Variants in PRICKLE2 observed in about 807,000 individuals in gnomAD.
PRICKLE2 encodes prickle planar cell polarity protein 2.
In PRICKLE2, 21 loss-of-function variants were observed where a neutral mutation model predicts 81.4. That is an observed-to-expected ratio of 0.26 (90% CI 0.18 to 0.37). PRICKLE2 has a LOEUF of 0.37. Ranked by LOEUF, PRICKLE2 falls within the 10% of genes least tolerant of loss-of-function variation. The pLI, the probability that PRICKLE2 is intolerant of heterozygous loss-of-function variation, is 1.00. For synonymous variants in PRICKLE2, 456 were observed against 421.5 expected, an observed-to-expected ratio of 1.08 and a Z score of -1.00; for missense variants, 940 against 1,109.0, an observed-to-expected ratio of 0.85 and a Z score of 2.16.
intron 7 of PRICKLE2, among the ~76,000 whole-genome samples, chr3:64,105,092 C>T (rs184217247): frequency 1.3e-5 from 2 of 152,158 alleles, no homozygotes; most frequent in Non-Finnish European, 2.9e-5. Flanking sequence ...CCCTGTCTCC[C>T]CAAACACAAC....
At chr3:64,115,142 G>C (rs1304008774) in intron 7 of PRICKLE2, among the ~76,000 whole-genome samples, 2 of 152,158 alleles carry the variant, frequency 1.3e-5, no homozygotes, top group Non-Finnish European at 2.9e-5. Context: ...TTTCAGACAA[G>C]CAAATGCTGA....
rs531639386 is a variant in PRICKLE2, at chr3:64,095,726, C to T, written c.*3325G>A. ...CTACTTCCAGATCCTGTATTAGAAA[C>T]ACAAAATTGCTCATTTGCTCGACTG... On this transcript the variant is annotated 3_prime_UTR_variant, in exon 8 of 8. Coordinates refer to ENST00000638394, the MANE Select transcript of PRICKLE2 (RefSeq NM_198859.4). 1.9e-4 allele frequency: 29 copies of T among 152,244 alleles called. No individual in the cohort carries two copies. Among genetic ancestry groups the T allele is most frequent in the East Asian group, 5.8e-4 (3 of 5,186 alleles). 9.4% of individuals were successfully genotyped at this position (152,244 alleles called of 1,614,324 possible).
At chr3:64,105,528 T>C (rs970608236) in intron 7 of PRICKLE2, among the ~76,000 whole-genome samples, 7 of 152,202 alleles carry the variant, frequency 4.6e-5, no homozygotes, top group African/African-American at 1.7e-4. Context: ...ATGGGTGGGA[T>C]TCCAAACATC....
chr3:64,113,242 G>A (rs1254244908), intron 7 of PRICKLE2, among the ~76,000 whole-genome samples: 1 of 152,198 alleles, frequency 6.6e-6, no homozygotes, highest in African/African-American at 2.4e-5. Flanking sequence ...ACGGGCAGGG[G>A]TGGCCATTCC....
At chr3:64,176,697 AT>A (rs2078028401) in intron 2 of PRICKLE2, among the ~76,000 whole-genome samples, 1 of 152,244 alleles carries the variant, frequency 6.6e-6, no homozygotes, top group African/African-American at 2.4e-5. Context: ...ATTTCTGCAC[AT>A]TAAATACATG....
chr3:64,231,599 G>T (rs765419586), intron 2 of PRICKLE2, among the ~76,000 whole-genome samples: 3 of 152,114 alleles, frequency 2.0e-5, no homozygotes, highest in Non-Finnish European at 4.4e-5. Flanking sequence ...CTAGAAAAAG[G>T]CTAAAAACTC....
chr3:64,146,256 C>A (rs2077448417), intron 7 of PRICKLE2: 1 of 158,578 alleles, frequency 6.3e-6, no homozygotes. Flanking sequence ...TCACTTGGCT[C>A]CTCCCCATGC....
At chr3:64,155,568 A>G (rs2077621287) in intron 5 of PRICKLE2, among the ~76,000 whole-genome samples, 1 of 152,210 alleles carries the variant, frequency 6.6e-6, no homozygotes, top group South Asian at 2.1e-4. Context: ...AAATATATGT[A>G]CACACAGAAA....
chr3:64,205,925 C>T (rs1032008344), intron 1 of PRICKLE2, among the ~76,000 whole-genome samples: 2 of 152,132 alleles, frequency 1.3e-5, no homozygotes, highest in Non-Finnish European at 2.9e-5. Flanking sequence ...TCCAAAGCCA[C>T]AAGGCTAAAA....
intron 2 of PRICKLE2, among the ~76,000 whole-genome samples, chr3:64,259,996 A>C (rs550823715): frequency 1.6e-4 from 24 of 152,324 alleles, no homozygotes; most frequent in Non-Finnish European, 2.9e-4. Context: ...GCATCTAAAG[A>C]GAGTGTTCTA....
chr3:64,193,507 T>A (rs1395847802), intron 2 of PRICKLE2, among the ~76,000 whole-genome samples: 1 of 151,826 alleles, frequency 6.6e-6, no homozygotes, highest in Non-Finnish European at 1.5e-5. Flanking sequence ...TGCAGAAAAA[T>A]GTTCACAATA....
intron 4 of PRICKLE2, among the ~76,000 whole-genome samples, chr3:64,157,846 G>A (rs1320656062): frequency 1.3e-5 from 2 of 152,164 alleles, no homozygotes; most frequent in East Asian, 1.9e-4. Context: ...ATAACAGCAC[G>A]CTCACCTTTA....
At chr3:64,198,280 G>A (rs2078501329) in intron 2 of PRICKLE2, among the ~76,000 whole-genome samples, 1 of 151,720 alleles carries the variant, frequency 6.6e-6, no homozygotes, top group African/African-American at 2.4e-5. Flanking sequence ...TTCAAGGGCT[G>A]TTTAAACTTT....
chr3:64,209,017 T>A (rs371310413), intron 1 of PRICKLE2, among the ~76,000 whole-genome samples: 3 of 151,638 alleles, frequency 2.0e-5, no homozygotes, highest in East Asian at 3.9e-4. Flanking sequence ...CATACATACA[T>A]CCCATAAATA....
chr3:64,107,984 G>T (rs1348003836), intron 7 of PRICKLE2, among the ~76,000 whole-genome samples: 2 of 152,164 alleles, frequency 1.3e-5, no homozygotes, highest in Non-Finnish European at 2.9e-5. Context: ...GAAACATGGA[G>T]AAAATGGAAT....
chr3:64,244,030 A>G (rs981182709), intron 2 of PRICKLE2, among the ~76,000 whole-genome samples: 3 of 152,218 alleles, frequency 2.0e-5, no homozygotes, highest in Admixed American at 2.0e-4. Context: ...TCTTTCAGGG[A>G]AGACCCATCA....
intron 2 of PRICKLE2, among the ~76,000 whole-genome samples, chr3:64,263,978 GC>G (rs1173582886): frequency 6.6e-6 from 1 of 152,146 alleles, no homozygotes; most frequent in Non-Finnish European, 1.5e-5. Context: ...AGAGAAGCAG[GC>G]TTCGGCAGAG....
intron 1 of PRICKLE2, among the ~76,000 whole-genome samples, chr3:64,224,018 A>T (rs1368136180): frequency 6.6e-6 from 1 of 152,190 alleles, no homozygotes; most frequent in South Asian, 2.1e-4. Flanking sequence ...CCCTCCCCTG[A>T]CTGTGCTCAT....
At chr3:64,140,662 C>T (rs2077346803) in intron 7 of PRICKLE2, among the ~76,000 whole-genome samples, 1 of 152,142 alleles carries the variant, frequency 6.6e-6, no homozygotes, top group Non-Finnish European at 1.5e-5. Flanking sequence ...GCAACTAATG[C>T]CTTGGTCCCC....
Sources: gnomAD v4.1 joint callset for allele counts (sites outside exome capture counted in the v4.1 genomes callset) on GRCh38, gnomAD v4.1.1 for gene constraint, MANE v1.5 for transcripts, NCBI Gene and HGNC (gene_info 2026-07-23, HGNC 2026-07-21) for gene names.